The following MKLN1 variants were observed in gnomAD, a reference collection of about 807,000 sequenced individuals.
MKLN1 encodes the protein muskelin.
Under a neutral mutation model 99.0 loss-of-function variants are expected in MKLN1, and 18 were observed. The ratio of observed to expected loss-of-function variants is 0.18; its 90% CI spans 0.13 to 0.27. The LOEUF is 0.27. Ranked by LOEUF, MKLN1 falls within the 10% of genes least tolerant of loss-of-function variation. MKLN1 has a pLI of 1.00. For synonymous variants in MKLN1, 288 were observed against 293.2 expected, an observed-to-expected ratio of 0.98 and a Z score of 0.18; for missense variants, 621 against 875.9, an observed-to-expected ratio of 0.71 and a Z score of 3.67.
At chr7:131,459,938 T>G (rs1036548888) in intron 12 of MKLN1, among the ~76,000 whole-genome samples, 2 of 152,216 alleles carry the variant, frequency 1.3e-5, no homozygotes, top group African/African-American at 4.8e-5. Context: ...CTTTAACTTT[T>G]CCCTCATAAT....
intron 3 of MKLN1, among the ~76,000 whole-genome samples, chr7:131,293,911 A>G (rs577535176): frequency 3.9e-5 from 6 of 152,268 alleles, no homozygotes; most frequent in African/African-American, 1.4e-4. Context: ...TTAGGTATTA[A>G]ATGACATTTG....
intron 5 of MKLN1, among the ~76,000 whole-genome samples, chr7:131,398,726 C>T (rs1385641457): frequency 6.6e-6 from 1 of 151,740 alleles, no homozygotes; most frequent in Non-Finnish European, 1.5e-5. Flanking sequence ...TTAAATGTCT[C>T]TTTTTGATGA....
rs112709586 is a variant in MKLN1 at position 131,335,253 on chromosome 7, T to C, written c.98+7256T>C. On this transcript the variant is annotated intron_variant, in intron 1 of 17. Transcript: ENST00000352689. The stretch of plus-strand genomic sequence containing the variant: ...TTGGTTACGAATATTTCTAAAAATC[T>C]GTGAAGTCAAAGTAACATTCTGTAG... Among the ~76,000 whole-genome samples, 3 of 152,322 alleles carry C rather than the reference T, an allele frequency of 2.0e-5. 1 individual carries two copies. Among genetic ancestry groups the C allele is most frequent in the African/African-American group, 7.2e-5 (3 of 41,576 alleles).
chr7:131,408,605 G>C (rs75181911), intron 6 of MKLN1, among the ~76,000 whole-genome samples: 12 of 152,084 alleles, frequency 7.9e-5, no homozygotes, highest in Non-Finnish European at 2.9e-5. Context: ...CCTAAATCAT[G>C]TTTTTTAAAT....
At chr7:131,334,982 C>CT (rs998558830) in intron 1 of MKLN1, among the ~76,000 whole-genome samples, 8 of 152,072 alleles carry the variant, frequency 5.3e-5, no homozygotes, top group Admixed American at 3.9e-4. Flanking sequence ...TAGGTTCAAT[C>CT]TTAGGATAGT....
chr7:131,285,370 A>G (rs1563279110), intron 3 of MKLN1, among the ~76,000 whole-genome samples: 1 of 152,178 alleles, frequency 6.6e-6, no homozygotes, highest in Non-Finnish European at 1.5e-5. Context: ...GAGACACGGG[A>G]TGCGCTCATA....
At chr7:131,373,002 C>T (rs1344815478) in intron 1 of MKLN1, among the ~76,000 whole-genome samples, 2 of 151,624 alleles carry the variant, frequency 1.3e-5, no homozygotes, top group Admixed American at 6.6e-5. Flanking sequence ...ATGGTTTATA[C>T]ATAGAAAACA....
intron 16 of MKLN1, chr7:131,472,205 G>GT (rs1219248740): frequency 2.6e-5 from 4 of 152,214 alleles, no homozygotes; most frequent in Non-Finnish European, 4.4e-5. Context: ...GCATTTGAGA[G>GT]TTATGCATAG....
chr7:131,227,495 C>CCCTTTCTTTCTTTCTT (rs1797170621), intron 3 of MKLN1, among the ~76,000 whole-genome samples: 4 of 115,710 alleles, frequency 3.5e-5, no homozygotes, highest in East Asian at 2.4e-4. Flanking sequence ...CTCTTTCTTT[C>CCCTTTCTTTCTTTCTT]TCTTTCTTTC....
intron 1 of MKLN1, among the ~76,000 whole-genome samples, chr7:131,373,487 A>C (rs1793532349): frequency 6.6e-6 from 1 of 152,128 alleles, no homozygotes; most frequent in South Asian, 2.1e-4. Flanking sequence ...GTGTAAAGGC[A>C]GTTCTTTTCC....
intron 2 of MKLN1, among the ~76,000 whole-genome samples, chr7:131,176,086 C>T (rs1796294549): frequency 6.6e-6 from 1 of 152,110 alleles, no homozygotes; most frequent in Non-Finnish European, 1.5e-5. Flanking sequence ...CAGGGATAAA[C>T]TTCAAAGTTT....
At chr7:131,204,452 G>GA (rs559431811) in intron 3 of MKLN1, among the ~76,000 whole-genome samples, 10 of 151,786 alleles carry the variant, frequency 6.6e-5, no homozygotes, top group Middle Eastern at 3.4e-3. Context: ...ATATCTCTAA[G>GA]AAAAAAAATC....
chr7:131,120,134 G>A (rs1283355690), intron 1 of MKLN1, among the ~76,000 whole-genome samples: 1 of 123,966 alleles, frequency 8.1e-6, no homozygotes, highest in Non-Finnish European at 1.6e-5. Context: ...TCGTGCCACT[G>A]CACTCCAGCC....
At position 131,192,109 on chromosome 7, in the gene MKLN1, T is replaced by TAAAAA. The variant is rs1554534675; in HGVS notation, c.-296-10748_-296-10747insAAAAA. Among the ~76,000 whole-genome samples the TAAAAA allele has an allele frequency of 4.2e-4, 34 of 80,326 alleles. 2 individuals carry two copies. The highest frequency in any genetic ancestry group is 1.9e-3 in the African/African-American group (31 of 16,614). The allele number at this position is 80,326 out of a possible 152,430, so 52.7% of individuals were successfully genotyped here. A position where few individuals can be genotyped will look rare whatever the true frequency, so the allele number is the denominator to read the frequency against. ...TATTATATATATATGTATATATATATTATATATATACGTATATATATAAAA... is the reference window on the plus strand; with the variant it reads ...TATTATATATATATGTATATATATATAAAAATATATATATACGTATATATATAAAA... On this transcript the variant is annotated intron_variant, in intron 2 of 7. Transcript: ENST00000416992.
intron 2 of MKLN1, among the ~76,000 whole-genome samples, chr7:131,171,502 G>C (rs1270420163): frequency 6.6e-6 from 1 of 151,978 alleles, no homozygotes; most frequent in Non-Finnish European, 1.5e-5. Flanking sequence ...TTGTAGCCAA[G>C]GCTGGAGTGC....
intron 1 of MKLN1, among the ~76,000 whole-genome samples, chr7:131,351,939 T>C (rs1434547776): frequency 6.6e-6 from 1 of 152,212 alleles, no homozygotes; most frequent in Non-Finnish European, 1.5e-5. Context: ...CTTTCACATT[T>C]ACTAGCTGTA....
At chr7:131,167,171 T>C (rs1342093152) in intron 2 of MKLN1, among the ~76,000 whole-genome samples, 2 of 152,116 alleles carry the variant, frequency 1.3e-5, no homozygotes, top group African/African-American at 4.8e-5. Flanking sequence ...AAAAAAAAAT[T>C]AATGAAATGA....
At chr7:131,167,795 TAAGTA>T (rs1796148401) in intron 2 of MKLN1, among the ~76,000 whole-genome samples, 1 of 152,220 alleles carries the variant, frequency 6.6e-6, no homozygotes, top group Non-Finnish European at 1.5e-5. Context: ...ATAGTTAAAT[TAAGTA>T]AATTACTGTT....
chr7:131,430,543 G>A (rs1212890342), intron 9 of MKLN1, among the ~76,000 whole-genome samples: 2 of 152,008 alleles, frequency 1.3e-5, no homozygotes, highest in Non-Finnish European at 2.9e-5. Context: ...GTTAAGCCTA[G>A]GTTTCATCCT....
Sources: allele counts gnomAD v4.1 joint callset (sites outside exome capture counted in the v4.1 genomes callset), GRCh38; gene constraint gnomAD v4.1.1; transcripts MANE v1.5; gene names NCBI Gene and HGNC (gene_info 2026-07-23, HGNC 2026-07-21).